The following EMP3 variants were observed in gnomAD, a reference collection of about 807,000 sequenced individuals.
EMP3 encodes the protein epithelial membrane protein 3 (MAM blood group), also known as epithelial membrane protein 3.
A neutral mutation model predicts 21.6 loss-of-function variants in EMP3; 15 were observed. That is an observed-to-expected ratio of 0.69 (90% CI 0.46 to 1.07). The LOEUF (loss-of-function observed/expected upper bound fraction) is 1.07, where lower values mean the gene tolerates loss of function less well. Ranked by LOEUF, EMP3 falls within the 50% of genes least tolerant of loss-of-function variation. The pLI is 0.00. For synonymous variants in EMP3, 107 were observed against 86.1 expected, an observed-to-expected ratio of 1.24 and a Z score of -1.34; for missense variants, 183 against 206.6, an observed-to-expected ratio of 0.89 and a Z score of 0.70.
chr19:48,330,165 G>C (rs373966702), intron 4 of EMP3, 136 bp from the exon 5 acceptor site: 34 of 1,286,106 alleles, frequency 2.6e-5, no homozygotes, highest in Middle Eastern at 2.1e-4. Context: ...GCGCTGGGCG[G>C]GGGGGAAAGA....
chr19:48,328,075 A>G (rs559767339), intron 3 of EMP3, among the ~76,000 whole-genome samples: 23 of 152,108 alleles, frequency 1.5e-4, no homozygotes, highest in Admixed American at 1.4e-3. Flanking sequence ...CAAAGTGCTG[A>G]GATTACAGGC....
rs562065386 is a variant in EMP3, at chr19:48,328,602, G to C, written c.182-750G>C. ...TAAAGGGGTGGGGCCAGGTGCATTG[G>C]AGTTCTAAAGGAATAGAGCTGCATC... On this transcript the variant is annotated intron_variant, in intron 3 of 4. Coordinates refer to ENST00000270221, the MANE Select transcript of EMP3 (RefSeq NM_001425.3). Among the ~76,000 whole-genome samples, 3 of 152,240 alleles carry C rather than the reference G, an allele frequency of 2.0e-5. No homozygotes were observed. The South Asian group carries it at 6.2e-4, about 32-fold the overall frequency.
Position 48,327,506 on chromosome 19 carries a change from C to T in EMP3, c.79-15C>T, listed in dbSNP as rs953286217. 1.2e-6 allele frequency: 2 copies of T among 1,601,236 alleles called. No individual in the cohort carries two copies. On this transcript the variant is annotated splice_polypyrimidine_tract_variant and intron_variant, in intron 2 of 4. Coordinates refer to ENST00000270221, the MANE Select transcript of EMP3 (RefSeq NM_001425.3). ...TCCTAACCCTGCCCCTTGTTTCGTT[C>T]TCTGTCCATCCCAGTCCTGGTGGAC... is the stretch of plus-strand genomic sequence containing the variant.
chr19:48,327,406 G>A, intron 2 of EMP3, 115 bp from the exon 3 acceptor site: 1 of 724,558 alleles, frequency 1.4e-6, no homozygotes, highest in Non-Finnish European at 2.4e-6. Flanking sequence ...ACTCTCCCCA[G>A]TTCTGCCCCA....
Position 48,329,584 on chromosome 19 carries a change from C to G in EMP3, c.322+92C>G. 2 of 1,522,038 alleles carry G rather than the reference C, an allele frequency of 1.3e-6. No individual in the cohort carries two copies. Among genetic ancestry groups the G allele is most frequent in the Non-Finnish European group, 1.8e-6 (2 of 1,127,466 alleles). The allele number at this position is 1,522,038 out of a possible 1,614,324, so 94.3% of individuals were successfully genotyped here. Reference sequence around the variant, plus strand: ...GATGCTGGGGGCCCTGAGAATGGGCCTCTCGTAGAAAAAAACAACTTTCAA... The same window carrying G: ...GATGCTGGGGGCCCTGAGAATGGGCGTCTCGTAGAAAAAAACAACTTTCAA... On this transcript the variant is annotated intron_variant, in intron 4 of 4. Transcript: ENST00000270221. This position sits in a 1 kb window ranked among gnomAD's most constrained non-coding sequence, Gnocchi z 4.5.
chr19:48,325,891 A>G lies in EMP3; in HGVS notation c.-16+281A>G, dbSNP rs1347996170. On this transcript the variant is annotated intron_variant, in intron 1 of 4. Coordinates refer to ENST00000270221, the MANE Select transcript of EMP3 (RefSeq NM_001425.3). ...GGGGTCCCTGAGATCAGGGCATTGC[A>G]TGAGAACACCCCAAATCTGGGAGAC... is the stretch of plus-strand genomic sequence containing the variant. 5 of 152,174 alleles carry G rather than the reference A, an allele frequency of 3.3e-5. No homozygotes were observed. The East Asian group carries it at 9.7e-4, about 29-fold the overall frequency. 9.4% of individuals were successfully genotyped at this position (152,174 alleles called of 1,614,324 possible).
rs1314529926 is a variant in EMP3, at chr19:48,330,496, C to T, written c.*26C>T. On this transcript the variant is annotated 3_prime_UTR_variant, in exon 5 of 5. Transcript: ENST00000270221. ...GCGCCCCGCCTCGCTCGGCTGCCCC[C>T]GCCCCTTCCCGGCCCCCCTCGCCGC... The T allele has an allele frequency of 1.3e-6, 2 of 1,545,582 alleles. No homozygotes were observed. Among genetic ancestry groups the T allele is most frequent in the Non-Finnish European group, 8.7e-7 (1 of 1,154,964 alleles).
chr19:48,327,514 A>C lies in EMP3; in HGVS notation c.79-7A>C, dbSNP rs374754875. 3 of 1,607,948 alleles carry C rather than the reference A, an allele frequency of 1.9e-6. No homozygotes were observed. In the African/African-American group the frequency reaches 4.0e-5, roughly 22 times the overall value. ...CTGCCCCTTGTTTCGTTCTCTGTCC[A>C]TCCCAGTCCTGGTGGACTCTCCCTG... On this transcript the variant is annotated splice_polypyrimidine_tract_variant and splice_region_variant and intron_variant, in intron 2 of 4. Coordinates refer to ENST00000270221, the MANE Select transcript of EMP3 (RefSeq NM_001425.3).
In EMP3 at chr19:48,327,589, C is replaced by A. The variant is rs760407687; in HGVS notation, c.147C>A (p.Thr49=). The A allele has an allele frequency of 7.4e-6, 12 of 1,613,876 alleles. No individual in the cohort carries two copies. In the South Asian group the frequency reaches 1.3e-4, roughly 18 times the overall value. The change falls in exon 3 of 5, where the codon ACC becomes ACA. Residue 49 remains threonine (T), a synonymous_variant. Transcript: ENST00000270221. ...LWYDCTWNND[T]KTWACSNVSE... Reference sequence around the variant, plus strand: ...ACGACTGCACGTGGAACAACGACACCAAAACATGGGCCTGCAGTAATGTCA... The same window carrying A: ...ACGACTGCACGTGGAACAACGACACAAAAACATGGGCCTGCAGTAATGTCA...
chr19:48,330,273 C>CA, intron 4 of EMP3, 28 bp from the exon 5 acceptor site: 9 of 1,554,628 alleles, frequency 5.8e-6, no homozygotes, highest in Non-Finnish European at 7.8e-6. Context: ...GGGGGCACTG[C>CA]ATGACGTGTG....
chr19:48,326,045 C>G (rs1232040881), intron 1 of EMP3: 2 of 150,220 alleles, frequency 1.3e-5, no homozygotes, highest in African/African-American at 2.5e-5. Context: ...AGTCTGGCAG[C>G]AGGGTGGGGT....
At chr19:48,330,156 C>G in intron 4 of EMP3, 145 bp from the exon 5 acceptor site, 1 of 1,201,464 alleles carries the variant, frequency 8.3e-7, no homozygotes, top group Non-Finnish European at 1.1e-6. Flanking sequence ...AGTTGCACGG[C>G]GCTGGGCGGG....
At position 48,329,209 on chromosome 19, in the gene EMP3, A is replaced by T; in HGVS notation, c.182-143A>T. The T allele has an allele frequency of 1.0e-6, 1 of 959,942 alleles. No homozygotes were observed. The highest frequency in any genetic ancestry group is 1.5e-6 in the Non-Finnish European group (1 of 652,452). The allele number at this position is 959,942 out of a possible 1,614,324, so 59.5% of individuals were successfully genotyped here. On this transcript the variant is annotated intron_variant, in intron 3 of 4. Coordinates refer to ENST00000270221, the MANE Select transcript of EMP3 (RefSeq NM_001425.3). The surrounding 1 kb of genome is among the most constrained non-coding windows in gnomAD (Gnocchi z 4.5). ...GGTAACAGGGCTCAAGGTCAAAATA[A>T]GTGATACATCTAAGTATCTAGGCTT... is the stretch of plus-strand genomic sequence containing the variant.
At chr19:48,326,431 C>T (rs1244944223) in intron 1 of EMP3, among the ~76,000 whole-genome samples, 2 of 152,082 alleles carry the variant, frequency 1.3e-5, no homozygotes, top group East Asian at 3.9e-4. Context: ...CCCTGAGAGA[C>T]CCAGGAGTCT....
chr19:48,329,377 C>T lies in EMP3; in HGVS notation c.207C>T (p.Leu69=). ...GCTGGCTGAAGGCGGTGCAGGTCCT[C>T]ATGGTGCTCTCCCTCATTCTCTGCT... is the stretch of plus-strand genomic sequence containing the variant. ...ENGWLKAVQV[L]MVLSLILCCL... is the part of the protein sequence containing the mutation. The change falls in exon 4 of 5, where the codon CTC becomes CTT. Residue 69 remains leucine (L), a synonymous_variant. Coordinates refer to ENST00000270221, the MANE Select transcript of EMP3 (RefSeq NM_001425.3). This position sits in a 1 kb window ranked among gnomAD's most constrained non-coding sequence, Gnocchi z 4.5. 4 of 1,614,126 alleles carry T rather than the reference C, an allele frequency of 2.5e-6. No individual in the cohort carries two copies. Among genetic ancestry groups the T allele is most frequent in the Non-Finnish European group, 3.4e-6 (4 of 1,180,024 alleles).
chr19:48,327,190 G>A (rs995501323), intron 2 of EMP3, among the ~76,000 whole-genome samples: 7 of 151,684 alleles, frequency 4.6e-5, no homozygotes, highest in African/African-American at 1.2e-4. Flanking sequence ...CTGCCACCAA[G>A]CCCGGCTAAT....
Position 48,330,429 on chromosome 19 carries a change from G to C in EMP3, c.451G>C (p.Val151Leu). Residue 151 changes from valine to leucine, a missense_variant, in exon 5 of 5, where the codon GTC becomes CTC. Val to Leu is a conservative substitution (Grantham distance 32, BLOSUM62 1). Coordinates refer to ENST00000270221, the MANE Select transcript of EMP3 (RefSeq NM_001425.3). ...LAWVAFPLAL[V>L]SGIIYIHLRK... The stretch of plus-strand genomic sequence containing the variant: ...CTGGGTGGCCTTCCCCCTCGCCCTG[G>C]TCAGCGGCATCATCTACATCCACCT... 1 of 1,597,078 alleles carries C rather than the reference G, an allele frequency of 6.3e-7. No individual in the cohort carries two copies. Among genetic ancestry groups the C allele is most frequent in the Non-Finnish European group, 8.5e-7 (1 of 1,172,768 alleles).
In EMP3 at chr19:48,329,460, T is replaced by C. The variant is rs1021820739; in HGVS notation, c.290T>C (p.Phe97Ser). ...QLYTMRRGGL[F>S]YATGLCQLCT... is the part of the protein sequence containing the mutation. ...TACACCATGCGACGAGGAGGTCTCT[T>C]CTATGCCACCGGCCTCTGCCAGCTT... Residue 97 changes from phenylalanine (F) to serine (S), a missense_variant, in exon 4 of 5, where the codon TTC (phenylalanine) becomes TCC (serine). Coordinates refer to ENST00000270221, the MANE Select transcript of EMP3 (RefSeq NM_001425.3). This position sits in a 1 kb window ranked among gnomAD's most constrained non-coding sequence, Gnocchi z 4.5. 3 of 1,614,140 alleles carry C rather than the reference T, an allele frequency of 1.9e-6. No individual in the cohort carries two copies. The highest frequency in any genetic ancestry group is 2.5e-6 in the Non-Finnish European group (3 of 1,180,008).
Position 48,330,312 on chromosome 19 carries a change from T to A in EMP3, c.334T>A (p.Phe112Ile), listed in dbSNP as rs1881447062. 1 of 1,587,864 alleles carries A rather than the reference T, an allele frequency of 6.3e-7. No homozygotes were observed. The highest frequency in any genetic ancestry group is 2.4e-5 in the East Asian group (1 of 42,178). Reference protein sequence around the residue: ...LCQLCTSVAVFTGALIYAIHA... With the variant: ...LCQLCTSVAVITGALIYAIHA... The stretch of plus-strand genomic sequence containing the variant: ...TTCATCTTCCGCAGGCGTGGCGGTG[T>A]TTACTGGCGCCTTGATCTATGCCAT... The change falls in exon 5 of 5, where the codon TTT (phenylalanine) becomes ATT (isoleucine). Residue 112 changes from phenylalanine to isoleucine, a missense_variant. Phe to Ile is a conservative substitution (Grantham distance 21). Coordinates refer to ENST00000270221, the MANE Select transcript of EMP3 (RefSeq NM_001425.3).
Sources: allele counts gnomAD v4.1 joint callset (sites outside exome capture counted in the v4.1 genomes callset), GRCh38; gene constraint gnomAD v4.1.1; non-coding constraint Gnocchi (gnomAD v3.1); transcripts MANE v1.5; gene names NCBI Gene and HGNC (gene_info 2026-07-23, HGNC 2026-07-21).